The following C10orf90 variants were observed in gnomAD, a reference collection of about 807,000 sequenced individuals.
C10orf90 encodes (E2-independent) E3 ubiquitin-conjugating enzyme FATS.
In C10orf90, 56 loss-of-function variants were observed where a neutral mutation model predicts 62.5. That is an observed-to-expected ratio of 0.90 (90% confidence interval 0.72 to 1.12). The LOEUF (loss-of-function observed/expected upper bound fraction) is 1.12. C10orf90 is among the 50% of genes most tolerant of loss of function. C10orf90 has a pLI of 0.00. For missense variants in C10orf90, 970 were observed against 880.4 expected (o/e 1.10, Z -1.29); for synonymous variants, 386 against 340.4 (o/e 1.13, Z -1.47).
At chr10:126,511,445 C>T (rs886629025) in intron 3 of C10orf90, among the ~76,000 whole-genome samples, 5 of 151,868 alleles carry the variant, frequency 3.3e-5, no homozygotes, top group African/African-American at 9.7e-5. Context: ...AATGTTGTAC[C>T]ACCGTCACCA....
At chr10:126,641,487 T>C (rs1452860094) in intron 2 of C10orf90, among the ~76,000 whole-genome samples, 1 of 152,028 alleles carries the variant, frequency 6.6e-6, no homozygotes, top group East Asian at 1.9e-4. Context: ...CGCCCGCTCC[T>C]TTTTCCCTAA....
At chr10:126,588,131 T>C (rs1844909838) in intron 2 of C10orf90, among the ~76,000 whole-genome samples, 1 of 152,220 alleles carries the variant, frequency 6.6e-6, no homozygotes, top group Non-Finnish European at 1.5e-5. Context: ...ATATCTGTGG[T>C]TGCAGTTGGC....
At chr10:126,474,597 G>T (rs1415111566) in intron 4 of C10orf90, among the ~76,000 whole-genome samples, 1 of 151,994 alleles carries the variant, frequency 6.6e-6, no homozygotes, top group Non-Finnish European at 1.5e-5. Context: ...ATATAGCAAA[G>T]AATACATATC....
intron 2 of C10orf90, among the ~76,000 whole-genome samples, chr10:126,594,952 G>T (rs552867472): frequency 6.6e-6 from 1 of 152,166 alleles, no homozygotes; most frequent in Admixed American, 6.5e-5. Context: ...GAGTCTTAAG[G>T]TGGAAGAGGA....
At chr10:126,472,830 G>A (rs1860650677) in intron 4 of C10orf90, among the ~76,000 whole-genome samples, 1 of 152,176 alleles carries the variant, frequency 6.6e-6, no homozygotes. Flanking sequence ...GCATGTGTGT[G>A]TGTGTGTCTG....
chr10:126,542,815 G>A (rs1204924830), intron 2 of C10orf90, among the ~76,000 whole-genome samples: 2 of 152,106 alleles, frequency 1.3e-5, no homozygotes, highest in Middle Eastern at 3.2e-3. Flanking sequence ...GGAAAACTTG[G>A]CAGTATCTAT....
intron 2 of C10orf90, among the ~76,000 whole-genome samples, chr10:126,615,701 G>A (rs1845526983): frequency 6.6e-6 from 1 of 152,090 alleles, no homozygotes; most frequent in Non-Finnish European, 1.5e-5. Context: ...AGTAAGAGAT[G>A]CCATCTCTAC....
intron 2 of C10orf90, among the ~76,000 whole-genome samples, chr10:126,606,137 C>T (rs1039645227): frequency 1.3e-5 from 2 of 152,288 alleles, no homozygotes; most frequent in East Asian, 3.9e-4. Flanking sequence ...CCCAGGCATT[C>T]TCAAGGGCTC....
chr10:126,645,184 C>A (rs1041435798), intron 2 of C10orf90, among the ~76,000 whole-genome samples: 2 of 149,996 alleles, frequency 1.3e-5, no homozygotes, highest in Non-Finnish European at 2.9e-5. Flanking sequence ...GTGGGTGCAG[C>A]GCACCAGCAT....
chr10:126,586,894 T>C (rs952274654), intron 2 of C10orf90, among the ~76,000 whole-genome samples: 7 of 152,028 alleles, frequency 4.6e-5, no homozygotes, highest in Non-Finnish European at 1.0e-4. Context: ...TGGATGAAAA[T>C]AGTCCGAGAT....
intron 1 of C10orf90, among the ~76,000 whole-genome samples, chr10:126,663,307 G>A (rs77513326): frequency 0.15 from 22,307 of 152,064 alleles, 1,755 homozygotes; most frequent in South Asian, 0.21. Context: ...AACCTCCCTG[G>A]GTTCTAGCTG....
chr10:126,485,109 G>A (rs1861359640), intron 4 of C10orf90, among the ~76,000 whole-genome samples: 1 of 152,182 alleles, frequency 6.6e-6, no homozygotes, highest in Non-Finnish European at 1.5e-5. Flanking sequence ...GAGGTAATTA[G>A]GTCATATGGG....
At chr10:126,506,363 C>T (rs533493524) in intron 3 of C10orf90, among the ~76,000 whole-genome samples, 131 of 152,336 alleles carry the variant, frequency 8.6e-4, no homozygotes, top group African/African-American at 3.0e-3. Context: ...TCCTGGCCCC[C>T]GTTTAGACGT....
chr10:126,489,568 G>A (rs1861608102), intron 4 of C10orf90, among the ~76,000 whole-genome samples: 1 of 152,066 alleles, frequency 6.6e-6, no homozygotes. Context: ...AAAAAACAGA[G>A]CACGACGAGT....
chr10:126,585,309 G>A (rs1056579900), intron 2 of C10orf90, among the ~76,000 whole-genome samples: 6 of 146,802 alleles, frequency 4.1e-5, no homozygotes, highest in South Asian at 4.4e-4. Flanking sequence ...GCAAGCAGAG[G>A]GAGGAAGGGG....
rs149528378 is a variant in C10orf90, at chr10:126,609,140, C to T, written c.313+37425G>A. Among the ~76,000 whole-genome samples the T allele has an allele frequency of 2.2e-3, 335 of 152,254 alleles. 2 individuals are homozygous for T. The highest frequency in any genetic ancestry group is 7.9e-3 in the African/African-American group (327 of 41,534). On this transcript the variant is annotated intron_variant, in intron 2 of 9. Transcript: ENST00000488181. ...GAATCAGGCCAGGCGTGGTGGCTCA[C>T]GCCTGTAATCCCAGCACTTTGGGAG...
chr10:126,593,782 A>AGTTTTT (rs1215400580), intron 2 of C10orf90, among the ~76,000 whole-genome samples: 1 of 149,960 alleles, frequency 6.7e-6, no homozygotes, highest in Non-Finnish European at 1.5e-5. Flanking sequence ...AGTTTTAAAA[A>AGTTTTT]GTTTTTGTTG....
rs137876768 is a variant in C10orf90 at position 126,568,230 on chromosome 10, G to A, written c.314-54291C>T. On this transcript the variant is annotated intron_variant, in intron 2 of 9. Transcript: ENST00000488181. ...GTCAGGCCGGACCCAACCGGGCTCT[G>A]TGTCCAGAGTCACACAAGGCTGGAA... is the stretch of plus-strand genomic sequence containing the variant. Among the ~76,000 whole-genome samples the A allele has an allele frequency of 3.1e-3, 477 of 152,320 alleles. 4 individuals are homozygous for A. The highest frequency in any genetic ancestry group is 0.011 in the African/African-American group (465 of 41,574).
chr10:126,595,171 C>G (rs1845059635), intron 2 of C10orf90, among the ~76,000 whole-genome samples: 1 of 152,126 alleles, frequency 6.6e-6, no homozygotes, highest in Non-Finnish European at 1.5e-5. Flanking sequence ...CAACCACTTG[C>G]ACTTAACAGT....
Sources: allele counts gnomAD v4.1 joint callset (sites outside exome capture counted in the v4.1 genomes callset), GRCh38; gene constraint gnomAD v4.1.1; transcripts MANE v1.5; gene names NCBI Gene and HGNC (gene_info 2026-07-23, HGNC 2026-07-21).